The following ANO4 variants were observed in gnomAD, a reference collection of about 807,000 sequenced individuals.
ANO4 encodes the protein anoctamin-4.
Under a neutral mutation model 141.9 loss-of-function variants are expected in ANO4, and 69 were observed. That is an observed-to-expected ratio of 0.49 (90% CI 0.40 to 0.59). ANO4 has a LOEUF of 0.59. Among genes scored for constraint, ANO4 ranks in the 20% least tolerant of loss-of-function variants. The pLI is 0.00. For missense variants in ANO4, 894 were observed against 1,162.2 expected, an observed-to-expected ratio of 0.77 and a Z score of 3.36; for synonymous variants, 350 against 394.3, an observed-to-expected ratio of 0.89 and a Z score of 1.33.
intron 3 of ANO4, among the ~76,000 whole-genome samples, chr12:100,743,242 A>G (rs1463034652): frequency 6.6e-6 from 1 of 150,428 alleles, no homozygotes; most frequent in Non-Finnish European, 1.5e-5. Flanking sequence ...TTAATATATT[A>G]TTAAAATACT....
intron 8 of ANO4, 45 bp from the exon 9 acceptor site, chr12:101,019,989 A>C (rs934223844): frequency 1.3e-6 from 2 of 1,484,430 alleles, no homozygotes; most frequent in African/African-American, 2.8e-5. Context: ...TAGATCCTTC[A>C]CCTCCGATTA....
chr12:100,860,173 A>C (rs1308262521), intron 1 of ANO4, among the ~76,000 whole-genome samples: 1 of 152,162 alleles, frequency 6.6e-6, no homozygotes, highest in East Asian at 1.9e-4. Flanking sequence ...ATACATTTGC[A>C]TGTAAACTGG....
rs1219921326 is a variant in ANO4 at position 100,777,355 on chromosome 12, G to A, written c.358+37250G>A. ...GCTGGTCTCGAGCTCCGGACCTCAG[G>A]TGATCTGCCTGCCTTGGCCTCCCAA... is the stretch of plus-strand genomic sequence containing the variant. On this transcript the variant is annotated intron_variant, in intron 3 of 29. Coordinates refer to the ANO4 transcript ENST00000644049. Among the ~76,000 whole-genome samples the A allele has an allele frequency of 1.0e-4, 15 of 146,670 alleles. No homozygotes were observed. In the South Asian group the frequency reaches 3.2e-3, roughly 31 times the overall value.
At chr12:100,729,392 G>GAAAAAAAAAAAAAA (rs2031289316) in intron 1 of ANO4, among the ~76,000 whole-genome samples, 1 of 65,212 alleles carries the variant, frequency 1.5e-5, no homozygotes, top group African/African-American at 4.2e-5. Context: ...AAAAAAAAAG[G>GAAAAAAAAAAAAAA]TAACACTAAT....
chr12:100,891,618 A>G (rs2040111688), intron 1 of ANO4, among the ~76,000 whole-genome samples: 1 of 152,028 alleles, frequency 6.6e-6, no homozygotes, highest in South Asian at 2.1e-4. Flanking sequence ...TATTTTATTT[A>G]TGTACTTATT....
At chr12:101,073,591 A>ATAG (rs948295995) in intron 14 of ANO4, among the ~76,000 whole-genome samples, 2 of 149,550 alleles carry the variant, frequency 1.3e-5, no homozygotes, top group African/African-American at 4.9e-5. Flanking sequence ...AATAATAATA[A>ATAG]TAATAAAAGA....
chr12:100,858,379 C>T (rs1362129081), intron 1 of ANO4, among the ~76,000 whole-genome samples: 2 of 151,908 alleles, frequency 1.3e-5, no homozygotes, highest in African/African-American at 2.4e-5. Flanking sequence ...TTTATGGGAC[C>T]GCCATCATAT....
intron 25 of ANO4, among the ~76,000 whole-genome samples, 196 bp downstream of exon 25, chr12:101,116,994 T>C (rs540798271): frequency 6.6e-6 from 1 of 152,276 alleles, no homozygotes; most frequent in East Asian, 1.9e-4. Flanking sequence ...AAACAGAATG[T>C]CAGGGAGTGG....
At position 100,971,247 on chromosome 12, in the gene ANO4, A is replaced by G. The variant is rs147899718; in HGVS notation, c.457-59A>G. 684 of 1,288,200 alleles carry G rather than the reference A, an allele frequency of 5.3e-4. 4 individuals are homozygous for G. In the African/African-American group the frequency reaches 8.9e-3, roughly 17 times the overall value. The allele number at this position is 1,288,200 out of a possible 1,614,324, so 79.8% of individuals were successfully genotyped here. On this transcript the variant is annotated intron_variant, in intron 5 of 27. Coordinates refer to ENST00000392977, the MANE Select transcript of ANO4 (RefSeq NM_001286615.2). Reference sequence around the variant, plus strand: ...TCCATGCATTCTAAGTTCCAACTCAACTTAAACTGTGGGAGCCTTGAATAT... The same window carrying G: ...TCCATGCATTCTAAGTTCCAACTCAGCTTAAACTGTGGGAGCCTTGAATAT...
At chr12:101,126,147 A>G (rs2051305115) in intron 26 of ANO4, among the ~76,000 whole-genome samples, 1 of 152,234 alleles carries the variant, frequency 6.6e-6, no homozygotes, top group South Asian at 2.1e-4. Context: ...CCATCCATGC[A>G]TCACCAAATT....
intron 14 of ANO4, among the ~76,000 whole-genome samples, chr12:101,054,661 A>G (rs906160865): frequency 2.4e-4 from 37 of 152,182 alleles, no homozygotes; most frequent in East Asian, 2.3e-3. Context: ...CACCACGCCC[A>G]GCTAATTTTT....
chr12:100,864,370 A>G (rs899098632), intron 1 of ANO4, among the ~76,000 whole-genome samples: 31 of 152,186 alleles, frequency 2.0e-4, no homozygotes, highest in African/African-American at 7.2e-4. Context: ...CTGTTAGCAG[A>G]AAAAGAGGAG....
intron 14 of ANO4, among the ~76,000 whole-genome samples, chr12:101,052,945 C>T (rs2047933733): frequency 1.3e-5 from 2 of 152,232 alleles, no homozygotes. Flanking sequence ...GGTGTGGAGC[C>T]TAAACTTTAA....
chr12:101,080,883 TTA>T (rs1463149041), intron 15 of ANO4, among the ~76,000 whole-genome samples: 34 of 74,092 alleles, frequency 4.6e-4, no homozygotes, highest in African/African-American at 9.7e-4. Context: ...TATATATATA[TTA>T]TATATATATA....
intron 5 of ANO4, among the ~76,000 whole-genome samples, chr12:100,950,171 G>A (rs2042912189): frequency 1.3e-5 from 2 of 152,064 alleles, no homozygotes; most frequent in Admixed American, 6.5e-5. Context: ...ATAAATGAGT[G>A]TCAGGACTAT....
At chr12:101,106,675 A>T (rs1049637276) in intron 22 of ANO4, among the ~76,000 whole-genome samples, 1 of 150,822 alleles carries the variant, frequency 6.6e-6, no homozygotes, top group African/African-American at 2.4e-5. Context: ...AAGAGCAAAA[A>T]TAGAGGAGAA....
intron 1 of ANO4, among the ~76,000 whole-genome samples, chr12:100,853,166 G>T (rs1476795384): frequency 2.0e-5 from 3 of 152,074 alleles, no homozygotes; most frequent in East Asian, 1.9e-4. Flanking sequence ...TAAATATGAA[G>T]AGGTTGTTTA....
At chr12:100,790,935 T>C (rs145303926), upstream of ANO4, among the ~76,000 whole-genome samples, 108 of 152,354 alleles carry the variant, frequency 7.1e-4, no homozygotes, top group East Asian at 3.5e-3. Context: ...CCATTTCAGG[T>C]CTCCTGCTGA....
At chr12:101,094,333 G>T (rs756110157) in intron 18 of ANO4, 41 bp downstream of exon 18, 51 of 1,532,274 alleles carry the variant, frequency 3.3e-5, no homozygotes, top group Non-Finnish European at 2.8e-5. Flanking sequence ...TGTACTGTGG[G>T]CTAGAGAGTA....
Sources: allele counts gnomAD v4.1 joint callset (sites outside exome capture counted in the v4.1 genomes callset), GRCh38; gene constraint gnomAD v4.1.1; transcripts MANE v1.5; gene names NCBI Gene and HGNC (gene_info 2026-07-23, HGNC 2026-07-21).